RP2: variants seen among roughly 807,000 people sequenced by gnomAD.
RP2 encodes protein XRP2.
Under a neutral mutation model 20.3 loss-of-function variants are expected in RP2, and 3 were observed. That is an observed-to-expected ratio of 0.15 (90% CI 0.07 to 0.38). The LOEUF (loss-of-function observed/expected upper bound fraction) is 0.38, where lower values mean the gene tolerates loss of function less well. Ranked by LOEUF, RP2 falls within the 10% of genes least tolerant of loss-of-function variation. The pLI is 1.00. For missense variants in RP2, 233 were observed against 268.5 expected (o/e 0.87, Z 0.92); for synonymous variants, 75 against 94.8 (o/e 0.79, Z 1.22).
chrX:46,875,115 A>G (rs185965197), intron 3 of RP2, among the ~76,000 whole-genome samples: 91 of 109,439 alleles, frequency 8.3e-4, no homozygotes, highest in African/African-American at 2.9e-3. Context: ...ATAATGTTTG[A>G]TTGTTGTACT....
At chrX:46,840,575 A>C (rs1268847788) in intron 1 of RP2, among the ~76,000 whole-genome samples, 3 of 112,577 alleles carry the variant, frequency 2.7e-5, no homozygotes, top group Non-Finnish European at 3.8e-5. Flanking sequence ...TTTTATCCTT[A>C]TCTGTATGCT....
intron 3 of RP2, among the ~76,000 whole-genome samples, chrX:46,864,885 T>C (rs1271603346): frequency 3.6e-5 from 4 of 111,961 alleles, no homozygotes. Context: ...GTCTGAGAAG[T>C]AGAGAGAGAG....
intron 1 of RP2, 59 bp from the exon 2 acceptor site, chrX:46,853,417 T>C: frequency 9.3e-7 from 1 of 1,071,312 alleles, no homozygotes; most frequent in Non-Finnish European, 1.3e-6. Flanking sequence ...AATAGTCCTT[T>C]AGTTGATACT....
rs1925471792 is a variant in RP2, at chrX:46,881,670, T to G, written c.*1901T>G. 9.1e-6 allele frequency: 1 copy of G among 110,239 alleles called. No individual in the cohort carries two copies. Among genetic ancestry groups the G allele is most frequent in the African/African-American group, 3.3e-5 (1 of 30,237 alleles). 9.1% of individuals were successfully genotyped at this position (110,239 alleles called of 1,213,427 possible). ...TTGTATTTTTAGTTGAGATGGGGTT[T>G]TTCCACGTTGGTCAGGCTGGTCTCG... On this transcript the variant is annotated 3_prime_UTR_variant, in exon 5 of 5. Transcript: ENST00000218340.
At chrX:46,840,131 C>T (rs1429703072) in intron 1 of RP2, among the ~76,000 whole-genome samples, 3 of 111,967 alleles carry the variant, frequency 2.7e-5, no homozygotes, top group Non-Finnish European at 3.8e-5. Flanking sequence ...GCGTGCACCA[C>T]CACGCCTGGC....
chrX:46,876,874 A>G (rs1412972670), intron 3 of RP2, among the ~76,000 whole-genome samples: 1 of 112,398 alleles, frequency 8.9e-6, no homozygotes, highest in African/African-American at 3.2e-5. Flanking sequence ...TCACTGTAGG[A>G]GGTTTTTAAT....
intron 1 of RP2, among the ~76,000 whole-genome samples, chrX:46,840,352 A>C (rs1331494517): frequency 8.9e-6 from 1 of 111,936 alleles, no homozygotes; most frequent in Non-Finnish European, 1.9e-5. Flanking sequence ...GTCTTAGGGG[A>C]CTGAAGCTGG....
In RP2 at chrX:46,860,119, T is replaced by G; in HGVS notation, c.883+17T>G. On this transcript the variant is annotated intron_variant, in intron 3 of 4. Transcript: ENST00000218340. ...TGAACAAAGGTACCTTCTGGATGATTGGTATACTTTTGTGGATATTTTCTT... is the reference window on the plus strand; with the variant it reads ...TGAACAAAGGTACCTTCTGGATGATGGGTATACTTTTGTGGATATTTTCTT... 9.2e-7 allele frequency: 1 copy of G among 1,082,465 alleles called. No individual in the cohort carries two copies. Among genetic ancestry groups the G allele is most frequent in the Non-Finnish European group, 1.3e-6 (1 of 778,357 alleles). 89.2% of individuals were successfully genotyped at this position (1,082,465 alleles called of 1,213,427 possible). A position where few individuals can be genotyped will look rare whatever the true frequency, so the allele number is the denominator to read the frequency against.
intron 3 of RP2, among the ~76,000 whole-genome samples, chrX:46,861,950 T>C (rs1295506943): frequency 1.8e-5 from 2 of 112,338 alleles, no homozygotes; most frequent in African/African-American, 6.5e-5. Context: ...GTTTATGGAA[T>C]ATTGTGAGCT....
At chrX:46,854,494 T>G (rs1470360482) in intron 2 of RP2, among the ~76,000 whole-genome samples, 1 of 112,082 alleles carries the variant, frequency 8.9e-6, no homozygotes, top group African/African-American at 3.2e-5. Context: ...TGTTATCATA[T>G]TTCACTGATG....
At chrX:46,870,905 C>T (rs782560429) in intron 3 of RP2, among the ~76,000 whole-genome samples, 73 of 111,393 alleles carry the variant, frequency 6.6e-4, no homozygotes, top group African/African-American at 2.3e-3. Context: ...TTTAGCACAT[C>T]TCACAAATTT....
rs188007920 is a variant in RP2, at chrX:46,852,022, G to A, written c.103-1454G>A. 6.1e-4 allele frequency among the ~76,000 whole-genome samples: 68 copies of A among 111,449 alleles called. No homozygotes were observed. The East Asian group carries it at 0.017, about 28-fold the overall frequency. ...TGCACTCCAGCCTGGGCAACAGGGCGAGACTCCATCTCAGAAAAAAAAATA... is the reference window on the plus strand; with the variant it reads ...TGCACTCCAGCCTGGGCAACAGGGCAAGACTCCATCTCAGAAAAAAAAATA... On this transcript the variant is annotated intron_variant, in intron 1 of 4. Transcript: ENST00000218340.
chrX:46,854,969 C>T (rs1348447754), intron 2 of RP2, among the ~76,000 whole-genome samples: 1 of 110,523 alleles, frequency 9.0e-6, no homozygotes, highest in East Asian at 2.8e-4. Flanking sequence ...GGTTTCACCA[C>T]GTTGGCCAGG....
chrX:46,873,552 T>C lies in RP2; in HGVS notation c.884-3953T>C, dbSNP rs184403854. Among the ~76,000 whole-genome samples the C allele has an allele frequency of 3.6e-5, 4 of 111,871 alleles. No individual in the cohort carries two copies. In the Admixed American group the frequency reaches 3.8e-4, roughly 11 times the overall value. On this transcript the variant is annotated intron_variant, in intron 3 of 4. Transcript: ENST00000218340. ...TGCTTAGCAAGTGCATTGTCAACAC[T>C]GTAGTTTTTTTAAGGGTTTTTGTTT...
rs782261996 is a variant in RP2 at position 46,847,741 on chromosome X, C to CAT, written c.103-5732_103-5731dup. Reference sequence around the variant, plus strand: ...ATATATGTGTGTGTGTATATACACACATATGTGTGTGTGTATATACACACA... The same window carrying CAT: ...ATATATGTGTGTGTGTATATACACACATATATGTGTGTGTGTATATACACACA... On this transcript the variant is annotated intron_variant, in intron 1 of 4. Coordinates refer to ENST00000218340, the MANE Select transcript of RP2 (RefSeq NM_006915.3). Among the ~76,000 whole-genome samples the CAT allele has an allele frequency of 2.3e-3, 194 of 85,862 alleles. 1 individual carries two copies. The highest frequency in any genetic ancestry group is 4.3e-3 in the African/African-American group (91 of 21,339). The allele number at this position is 85,862 out of a possible 115,157, so 74.6% of individuals were successfully genotyped here.
intron 2 of RP2, 134 bp from the exon 3 acceptor site, chrX:46,859,854 G>A (rs1925033622): frequency 9.8e-6 from 5 of 510,070 alleles, no homozygotes; most frequent in Non-Finnish European, 1.7e-5. Flanking sequence ...CAAACACCCT[G>A]AATTAGACTT....
At chrX:46,862,653 C>G (rs1409751592) in intron 3 of RP2, among the ~76,000 whole-genome samples, 3 of 111,556 alleles carry the variant, frequency 2.7e-5, no homozygotes, top group Non-Finnish European at 5.6e-5. Context: ...GAGCAAGACT[C>G]TGTCTCAAAA....
chrX:46,878,308 C>T (rs1556328051), intron 4 of RP2, among the ~76,000 whole-genome samples: 1 of 103,170 alleles, frequency 9.7e-6, no homozygotes, highest in Non-Finnish European at 2.0e-5. Flanking sequence ...ACCCGGGAGG[C>T]GGAGCTTGCA....
intron 3 of RP2, among the ~76,000 whole-genome samples, chrX:46,875,295 CTTT>C (rs782675753): frequency 3.4e-5 from 3 of 88,497 alleles, no homozygotes; most frequent in African/African-American, 4.0e-5. Context: ...TATTTTCTTT[CTTT>C]TTTTTTTTTT....
Sources: allele counts gnomAD v4.1 joint callset (sites outside exome capture counted in the v4.1 genomes callset), GRCh38; gene constraint gnomAD v4.1.1; transcripts MANE v1.5; gene names NCBI Gene and HGNC (gene_info 2026-07-23, HGNC 2026-07-21).